Variants in TAFA1 observed in about 807,000 individuals in gnomAD.
The protein encoded by TAFA1 is TAFA chemokine like family member 1, also known as chemokine-like protein TAFA-1.
TAFA1 carries 4 observed loss-of-function variants against 18.5 expected under a neutral mutation model. The ratio of observed to expected loss-of-function variants is 0.22; its 90% CI spans 0.11 to 0.49. The LOEUF (loss-of-function observed/expected upper bound fraction) is 0.49, where lower values mean the gene tolerates loss of function less well. TAFA1 is among the 20% of genes least tolerant of loss of function. TAFA1 has a pLI of 0.98. For synonymous variants in TAFA1, 56 were observed against 55.2 expected, an observed-to-expected ratio of 1.01 and a Z score of -0.06; for missense variants, 147 against 169.0, an observed-to-expected ratio of 0.87 and a Z score of 0.72.
chr3:68,052,314 C>G (rs2064480917), intron 2 of TAFA1, among the ~76,000 whole-genome samples: 1 of 152,154 alleles, frequency 6.6e-6, no homozygotes, highest in Non-Finnish European at 1.5e-5. Flanking sequence ...CAGGCCATCT[C>G]CATCAAACCA....
chr3:68,186,533 A>G (rs1183044167), intron 2 of TAFA1, among the ~76,000 whole-genome samples: 1 of 151,948 alleles, frequency 6.6e-6, no homozygotes, highest in Admixed American at 6.6e-5. Flanking sequence ...TTCTTTCACC[A>G]TTGTATGCCT....
chr3:68,067,947 C>CA (rs1245671859), intron 2 of TAFA1, among the ~76,000 whole-genome samples: 2 of 151,722 alleles, frequency 1.3e-5, no homozygotes, highest in Non-Finnish European at 2.9e-5. Flanking sequence ...TACAAAAAAA[C>CA]AAAAAACAAA....
At chr3:68,261,581 A>T (rs1337948978) in intron 2 of TAFA1, among the ~76,000 whole-genome samples, 3 of 150,608 alleles carry the variant, frequency 2.0e-5, no homozygotes, top group Non-Finnish European at 4.5e-5. Context: ...AATACTATGC[A>T]GCCATAAAAA....
At chr3:68,102,787 A>C (rs966044576) in intron 2 of TAFA1, among the ~76,000 whole-genome samples, 1 of 152,136 alleles carries the variant, frequency 6.6e-6, no homozygotes, top group African/African-American at 2.4e-5. Flanking sequence ...TACCACCTTT[A>C]GACCAGGCCA....
chr3:68,036,396 G>A (rs1575585296), intron 2 of TAFA1, among the ~76,000 whole-genome samples: 6 of 144,248 alleles, frequency 4.2e-5, no homozygotes, highest in Middle Eastern at 7.4e-3. Flanking sequence ...CCAAGACTGT[G>A]CCACTGCACT....
chr3:68,506,266 A>G (rs2072751958), intron 3 of TAFA1, among the ~76,000 whole-genome samples: 2 of 151,954 alleles, frequency 1.3e-5, no homozygotes, highest in Non-Finnish European at 2.9e-5. Flanking sequence ...TATATGCCAC[A>G]TTTTCTTTAT....
At chr3:68,404,658 G>A (rs775911637) in intron 2 of TAFA1, among the ~76,000 whole-genome samples, 11 of 152,232 alleles carry the variant, frequency 7.2e-5, no homozygotes, top group African/African-American at 1.4e-4. Flanking sequence ...TTAGCCAGGC[G>A]TGGTGGCAGG....
chr3:68,045,709 T>C (rs1342001980), intron 2 of TAFA1, among the ~76,000 whole-genome samples: 1 of 152,180 alleles, frequency 6.6e-6, no homozygotes, highest in Non-Finnish European at 1.5e-5. Context: ...GCTTGGGCAC[T>C]AGGGAAGGGA....
intron 2 of TAFA1, among the ~76,000 whole-genome samples, chr3:68,413,987 G>A (rs1047634629): frequency 2.0e-5 from 3 of 152,056 alleles, no homozygotes; most frequent in African/African-American, 4.8e-5. Flanking sequence ...AGTGTCCATG[G>A]AGGAAAGTCA....
chr3:68,055,588 G>A (rs73837269), intron 2 of TAFA1, among the ~76,000 whole-genome samples: 4,236 of 152,038 alleles, frequency 0.028, 81 homozygotes, highest in East Asian at 0.098. Context: ...CTTGAGGAAG[G>A]CAAGTATCAT....
chr3:68,054,823 A>G (rs1378642440), intron 2 of TAFA1, among the ~76,000 whole-genome samples: 1 of 152,214 alleles, frequency 6.6e-6, no homozygotes, highest in Admixed American at 6.5e-5. Flanking sequence ...GACAGTTAAC[A>G]AGTAGCTACC....
At chr3:68,534,391 A>C (rs972160519) in intron 3 of TAFA1, among the ~76,000 whole-genome samples, 3 of 152,112 alleles carry the variant, frequency 2.0e-5, no homozygotes, top group African/African-American at 7.2e-5. Flanking sequence ...CTTTCTTTGA[A>C]TTTTTATATT....
chr3:68,452,854 T>C (rs1421567190), intron 3 of TAFA1, among the ~76,000 whole-genome samples: 2 of 152,204 alleles, frequency 1.3e-5, no homozygotes, highest in Non-Finnish European at 2.9e-5. Context: ...TTAAGGCATT[T>C]TTACTGAAAG....
chr3:68,102,710 A>G (rs955752553), intron 2 of TAFA1, among the ~76,000 whole-genome samples: 15 of 152,194 alleles, frequency 9.9e-5, no homozygotes, highest in African/African-American at 2.9e-4. Context: ...TGTTTTTACC[A>G]TTGGCCAGGA....
At chr3:68,384,843 G>A (rs545750817) in intron 2 of TAFA1, among the ~76,000 whole-genome samples, 6 of 152,102 alleles carry the variant, frequency 3.9e-5, no homozygotes, top group South Asian at 2.1e-4. Flanking sequence ...ATGAATCTGC[G>A]TGCTTCTGCA....
chr3:68,435,691 A>G (rs1015922932), intron 3 of TAFA1, among the ~76,000 whole-genome samples: 1 of 152,204 alleles, frequency 6.6e-6, no homozygotes, highest in South Asian at 2.1e-4. Context: ...AAGAAGTAGT[A>G]TCTCCAATAG....
At position 68,538,802 on chromosome 3, in the gene TAFA1, A is replaced by C. The variant is rs778842007; in HGVS notation, c.306A>C (p.Leu102=). ...GKWWCEMEPC[L]EGEECKTLPD... ...GGTGGTGTGAGATGGAGCCTTGCCT[A>C]GAAGGAGAAGAATGTAAGACACTCC... The change falls in exon 4 of 5, where the codon CTA becomes CTC. Residue 102 remains leucine, a synonymous_variant. Transcript: ENST00000478136. 2.5e-6 allele frequency: 4 copies of C among 1,613,466 alleles called. No individual in the cohort carries two copies. The highest frequency in any genetic ancestry group is 2.5e-6 in the Non-Finnish European group (3 of 1,179,640).
At chr3:68,407,896 T>G (rs2070641462) in intron 2 of TAFA1, among the ~76,000 whole-genome samples, 1 of 152,276 alleles carries the variant, frequency 6.6e-6, no homozygotes, top group Admixed American at 6.5e-5. Context: ...AGCAGCTATT[T>G]TGCCCTCCTC....
At chr3:68,176,845 G>A (rs1407275136) in intron 2 of TAFA1, among the ~76,000 whole-genome samples, 1 of 152,100 alleles carries the variant, frequency 6.6e-6, no homozygotes, top group African/African-American at 2.4e-5. Flanking sequence ...GTTGTATTCT[G>A]GGATGAAACT....
Sources: gnomAD v4.1 joint callset for allele counts (sites outside exome capture counted in the v4.1 genomes callset) on GRCh38, gnomAD v4.1.1 for gene constraint, MANE v1.5 for transcripts, NCBI Gene and HGNC (gene_info 2026-07-23, HGNC 2026-07-21) for gene names.